CNOT1: variants seen among roughly 807,000 people sequenced by gnomAD.
CNOT1 encodes CCR4-NOT transcription complex subunit 1.
Under a neutral mutation model 273.8 loss-of-function variants are expected in CNOT1, and 15 were observed. The ratio of observed to expected loss-of-function variants is 0.05; its 90% CI spans 0.04 to 0.08. The LOEUF (loss-of-function observed/expected upper bound fraction) is 0.08, where lower values mean the gene tolerates loss of function less well. Ranked by LOEUF, CNOT1 falls within the 10% of genes least tolerant of loss-of-function variation. The probability of loss-of-function intolerance (pLI) is 1.00; values close to 1 mark genes in which losing one functional copy is unlikely to be tolerated. For missense variants in CNOT1, 1,644 were observed against 2,912.2 expected, an observed-to-expected ratio of 0.56 and a Z score of 10.02; for synonymous variants, 1,022 against 1,005.5, an observed-to-expected ratio of 1.02 and a Z score of -0.31.
Position 58,547,695 on chromosome 16 carries a change from A to G in CNOT1, c.3523-13T>C. ...AGGTCAGGAGCACCTGAAATAGTGT[A>G]AGATTAAGAAAGATATGAGAATAAG... On this transcript the variant is annotated splice_polypyrimidine_tract_variant and intron_variant, in intron 25 of 48. Transcript: ENST00000317147. This position sits in a 1 kb window ranked among gnomAD's most constrained non-coding sequence, Gnocchi z 4.0. 1 of 1,605,952 alleles carries G rather than the reference A, an allele frequency of 6.2e-7. No homozygotes were observed. Among genetic ancestry groups the G allele is most frequent in the Non-Finnish European group, 8.5e-7 (1 of 1,176,058 alleles).
intron 1 of CNOT1, among the ~76,000 whole-genome samples, chr16:58,606,186 TG>T (rs1346352790): frequency 6.6e-6 from 1 of 152,120 alleles, no homozygotes; most frequent in African/African-American, 2.4e-5. Context: ...GAAGATCACT[TG>T]AACTCCAGAG....
chr16:58,541,062 G>A lies in CNOT1; in HGVS notation c.4800+439C>T, dbSNP rs138966124. Among the ~76,000 whole-genome samples, 9 of 152,216 alleles carry A rather than the reference G, an allele frequency of 5.9e-5. No homozygotes were observed. The East Asian group carries it at 1.7e-3, about 29-fold the overall frequency. On this transcript the variant is annotated intron_variant, in intron 34 of 48. Transcript: ENST00000317147. ...TTTACAAAAAATACAAAAATTAGCTGAGCATGGTGGCACACGCCTGTAGTC... is the reference window on the plus strand; with the variant it reads ...TTTACAAAAAATACAAAAATTAGCTAAGCATGGTGGCACACGCCTGTAGTC...
chr16:58,599,432 A>C lies in CNOT1; in HGVS notation c.-95T>G. The C allele has an allele frequency of 6.8e-7, 1 of 1,477,262 alleles. No homozygotes were observed. Among genetic ancestry groups the C allele is most frequent in the Non-Finnish European group, 9.3e-7 (1 of 1,072,338 alleles). 91.5% of individuals were successfully genotyped at this position (1,477,262 alleles called of 1,614,324 possible). A position where few individuals can be genotyped will look rare whatever the true frequency, so the allele number is the denominator to read the frequency against. On this transcript the variant is annotated 5_prime_UTR_variant, in exon 2 of 49. It adds an upstream start codon to the 5' untranslated region. Coordinates refer to ENST00000317147, the MANE Select transcript of CNOT1 (RefSeq NM_016284.5). ...AGAGGCAGGTTAATGCTTTCTTTGT[A>C]ATTAGGCTATATCTGGTATCTGTAT...
rs945467858 is a variant in CNOT1, at chr16:58,520,475, C to T, written c.*483G>A. 5.0e-5 allele frequency: 8 copies of T among 160,468 alleles called. No individual in the cohort carries two copies. Among genetic ancestry groups the T allele is most frequent in the African/African-American group, 1.9e-4 (8 of 41,588 alleles). The allele number at this position is 160,468 out of a possible 1,614,324, so 9.9% of individuals were successfully genotyped here. On this transcript the variant is annotated 3_prime_UTR_variant, in exon 49 of 49. Transcript: ENST00000317147. ...TCTAGCACATCCACATTTTTAATAA[C>T]TTAGTGATTTTCAAGGTCCCCTGTC... is the stretch of plus-strand genomic sequence containing the variant.
intron 1 of CNOT1, among the ~76,000 whole-genome samples, chr16:58,619,216 A>T (rs752630397): frequency 6.6e-6 from 1 of 152,138 alleles, no homozygotes; most frequent in Admixed American, 6.6e-5. Flanking sequence ...AATAACAGAG[A>T]GTAGCCTTCT....
chr16:58,606,035 T>G (rs78766471), intron 1 of CNOT1, among the ~76,000 whole-genome samples: 1 of 152,086 alleles, frequency 6.6e-6, no homozygotes, highest in African/African-American at 2.4e-5. Flanking sequence ...TCACTGACAT[T>G]TGACAATAAT....
intron 11 of CNOT1, 79 bp downstream of exon 11, chr16:58,581,266 G>A (rs898029698): frequency 1.6e-5 from 23 of 1,447,694 alleles, no homozygotes; most frequent in African/African-American, 2.9e-5. Context: ...AGAATATTTC[G>A]ATCAATGGGT....
In CNOT1 at chr16:58,537,860, G is replaced by A. The variant is rs774099677; in HGVS notation, c.5414+31C>T. 4.3e-6 allele frequency: 7 copies of A among 1,611,650 alleles called. No homozygotes were observed. In the South Asian group the frequency reaches 7.7e-5, roughly 18 times the overall value. ...TAAAGATATTAGAAGACTACTAAAT[G>A]CACAGGGATCTCAAAGCATTTCATC... On this transcript the variant is annotated intron_variant, in intron 38 of 48. Coordinates refer to ENST00000317147, the MANE Select transcript of CNOT1 (RefSeq NM_016284.5).
chr16:58,557,084 A>G, intron 18 of CNOT1, 91 bp from the exon 19 acceptor site: 1 of 1,446,168 alleles, frequency 6.9e-7, no homozygotes, highest in Non-Finnish European at 9.1e-7. Flanking sequence ...ACAGACTTTT[A>G]AAATAAAGTC....
chr16:58,551,305 T>C (rs907536249), intron 23 of CNOT1, 33 bp from the exon 24 acceptor site: 1 of 1,540,312 alleles, frequency 6.5e-7, no homozygotes. Flanking sequence ...ATAAGGCAAA[T>C]AAGTTGAAAT....
chr16:58,573,541 C>A (rs973218182), intron 16 of CNOT1, among the ~76,000 whole-genome samples: 7 of 137,852 alleles, frequency 5.1e-5, no homozygotes, highest in African/African-American at 1.7e-4. Context: ...AGTGCAGTGG[C>A]GAGATCTCGG....
intron 16 of CNOT1, among the ~76,000 whole-genome samples, chr16:58,571,564 C>T (rs1401023870): frequency 6.6e-6 from 1 of 151,854 alleles, no homozygotes; most frequent in African/African-American, 2.4e-5. Flanking sequence ...AAGACTCCAT[C>T]TCAAAAACAA....
At chr16:58,602,553 C>CAAAAAAAAAAAAA (rs60230860) in intron 1 of CNOT1, among the ~76,000 whole-genome samples, 7 of 57,974 alleles carry the variant, frequency 1.2e-4, no homozygotes, top group African/African-American at 5.7e-4. Flanking sequence ...ACTCTGTCTC[C>CAAAAAAAAAAAAA]AAAAAAAAAA....
At chr16:58,591,263 T>C (rs1307694303) in intron 2 of CNOT1, among the ~76,000 whole-genome samples, 2 of 152,126 alleles carry the variant, frequency 1.3e-5, no homozygotes, top group Non-Finnish European at 2.9e-5. Context: ...CCTAAAAAAA[T>C]AGAAGGCACA....
At chr16:58,594,281 A>C (rs1467555412) in intron 2 of CNOT1, among the ~76,000 whole-genome samples, 1 of 152,064 alleles carries the variant, frequency 6.6e-6, no homozygotes, top group Non-Finnish European at 1.5e-5. Context: ...AAAAAAAGAA[A>C]GCCAGACACA....
At chr16:58,590,160 T>C (rs906735479) in intron 2 of CNOT1, among the ~76,000 whole-genome samples, 1 of 152,198 alleles carries the variant, frequency 6.6e-6, no homozygotes, top group Non-Finnish European at 1.5e-5. Flanking sequence ...TTGGGCTACA[T>C]ATTGCACTGA....
intron 14 of CNOT1, among the ~76,000 whole-genome samples, chr16:58,575,732 G>A (rs1170374525): frequency 6.6e-6 from 1 of 152,150 alleles, no homozygotes; most frequent in African/African-American, 2.4e-5. Flanking sequence ...CCGGGAGGCA[G>A]AGATTGCAGT....
intron 1 of CNOT1, among the ~76,000 whole-genome samples, chr16:58,624,019 A>C (rs1296471838): frequency 6.6e-6 from 1 of 151,736 alleles, no homozygotes; most frequent in Non-Finnish European, 1.5e-5. Flanking sequence ...AGTATTTCCG[A>C]GAGTTCTACA....
intron 1 of CNOT1, among the ~76,000 whole-genome samples, chr16:58,622,585 G>A (rs555952778): frequency 2.8e-4 from 43 of 152,104 alleles, no homozygotes; most frequent in Middle Eastern, 3.4e-3. Context: ...ATAGGCTCAC[G>A]CCTATAATCC....
Sources: gnomAD v4.1 joint callset for allele counts (sites outside exome capture counted in the v4.1 genomes callset) on GRCh38, gnomAD v4.1.1 for gene constraint, Gnocchi (gnomAD v3.1) non-coding constraint, MANE v1.5 for transcripts, NCBI Gene and HGNC (gene_info 2026-07-23, HGNC 2026-07-21) for gene names.